Variants in EXOC6 observed in about 807,000 individuals in gnomAD.
EXOC6 encodes exocyst complex component 6, also known as SEC15-like 1.
EXOC6 carries 60 observed loss-of-function variants against 112.5 expected under a neutral mutation model. The ratio of observed to expected loss-of-function variants is 0.53; its 90% CI spans 0.43 to 0.66. The LOEUF is 0.66. EXOC6 is among the 30% of genes least tolerant of loss of function. EXOC6 has a pLI of 0.00. For missense variants in EXOC6, 855 were observed against 957.1 expected (o/e 0.89, Z 1.41); for synonymous variants, 295 against 308.0 (o/e 0.96, Z 0.44).
At chr10:93,025,810 G>A (rs561549579) in intron 20 of EXOC6, among the ~76,000 whole-genome samples, 1 of 152,264 alleles carries the variant, frequency 6.6e-6, no homozygotes, top group South Asian at 2.1e-4. Flanking sequence ...TTCACCAGGT[G>A]ACTACATCTA....
chr10:93,007,854 T>A (rs1187533647), intron 19 of EXOC6, among the ~76,000 whole-genome samples: 1 of 152,166 alleles, frequency 6.6e-6, no homozygotes, highest in Non-Finnish European at 1.5e-5. Flanking sequence ...ATCAGACACC[T>A]CCTTCTCTAA....
intron 12 of EXOC6, among the ~76,000 whole-genome samples, chr10:92,936,625 A>T (rs899570683): frequency 6.6e-6 from 1 of 152,266 alleles, no homozygotes; most frequent in Non-Finnish European, 1.5e-5. Flanking sequence ...CAAACAAAAA[A>T]ATAAGATTTT....
At chr10:93,029,531 T>C in intron 20 of EXOC6, among the ~76,000 whole-genome samples, 1 of 152,230 alleles carries the variant, frequency 6.6e-6, no homozygotes, top group Non-Finnish European at 1.5e-5. Flanking sequence ...ATATTCTGAA[T>C]GGGAGTTCTT....
At chr10:92,845,599 C>G (rs1455536264), upstream of EXOC6, among the ~76,000 whole-genome samples, 1 of 151,944 alleles carries the variant, frequency 6.6e-6, no homozygotes, top group Non-Finnish European at 1.5e-5. Flanking sequence ...ATAGGCTTCC[C>G]CCACCCCACA....
intron 20 of EXOC6, among the ~76,000 whole-genome samples, chr10:93,037,898 G>C (rs1023648882): frequency 2.7e-5 from 4 of 150,812 alleles, no homozygotes; most frequent in Admixed American, 2.6e-4. Flanking sequence ...AAATTAGCCG[G>C]GCGCGGTGGC....
At chr10:93,027,710 T>C (rs939312233) in intron 20 of EXOC6, among the ~76,000 whole-genome samples, 3 of 152,202 alleles carry the variant, frequency 2.0e-5, no homozygotes, top group East Asian at 1.9e-4. Context: ...AAGTGCACTG[T>C]TGAGACCTCC....
chr10:92,917,868 A>G (rs1408841395), intron 7 of EXOC6, among the ~76,000 whole-genome samples: 1 of 152,150 alleles, frequency 6.6e-6, no homozygotes, highest in African/African-American at 2.4e-5. Flanking sequence ...TTTTTTCTAC[A>G]GGGCTTGATG....
chr10:93,037,374 A>C (rs565483178), intron 20 of EXOC6, among the ~76,000 whole-genome samples: 1 of 151,678 alleles, frequency 6.6e-6, no homozygotes, highest in South Asian at 2.1e-4. Flanking sequence ...TCCTGGCCTC[A>C]AGCGATCCAC....
At chr10:93,045,152 G>A (rs1348759343) in intron 20 of EXOC6, among the ~76,000 whole-genome samples, 2 of 152,208 alleles carry the variant, frequency 1.3e-5, no homozygotes, top group Non-Finnish European at 2.9e-5. Context: ...GATTACAGGC[G>A]TGAGCCACCG....
intron 19 of EXOC6, among the ~76,000 whole-genome samples, chr10:93,010,369 C>T (rs973035201): frequency 2.6e-5 from 4 of 152,060 alleles, no homozygotes; most frequent in Non-Finnish European, 1.5e-5. Context: ...GTTATATAAT[C>T]CCGGGCAAGT....
chr10:92,834,592 G>C (rs986580823), upstream of EXOC6: 2 of 591,320 alleles, frequency 3.4e-6, no homozygotes, highest in Non-Finnish European at 5.8e-6. Context: ...AAGTCAGACA[G>C]TGAGCTTGTT....
intron 1 of EXOC6, among the ~76,000 whole-genome samples, chr10:92,874,823 G>C (rs74149162): frequency 0.031 from 4,690 of 152,222 alleles, 171 homozygotes; most frequent in East Asian, 0.14. Flanking sequence ...TGTGAAGTCT[G>C]ACTTTCTCTG....
At chr10:92,890,782 A>C (rs1422115694) in intron 1 of EXOC6, among the ~76,000 whole-genome samples, 3 of 152,118 alleles carry the variant, frequency 2.0e-5, no homozygotes, top group African/African-American at 4.8e-5. Flanking sequence ...GAATAAGTAA[A>C]ATGGAGAGTA....
At chr10:93,002,271 C>T (rs1474804991) in intron 19 of EXOC6, among the ~76,000 whole-genome samples, 2 of 152,084 alleles carry the variant, frequency 1.3e-5, no homozygotes, top group African/African-American at 4.8e-5. Context: ...CTGTTGAGAT[C>T]TTTTTATATC....
At chr10:93,054,044 G>T (rs1421564512) in intron 20 of EXOC6, among the ~76,000 whole-genome samples, 1 of 152,184 alleles carries the variant, frequency 6.6e-6, no homozygotes, top group South Asian at 2.1e-4. Flanking sequence ...TTCTATATAA[G>T]TTAATGGTTT....
chr10:92,904,704 C>T (rs771304535), intron 5 of EXOC6, among the ~76,000 whole-genome samples: 15 of 151,880 alleles, frequency 9.9e-5, no homozygotes, highest in Admixed American at 6.6e-5. Flanking sequence ...ATTTGTGTTT[C>T]GAACATATTT....
intron 21 of EXOC6, among the ~76,000 whole-genome samples, chr10:93,057,825 A>G (rs1846616675): frequency 6.6e-6 from 1 of 152,174 alleles, no homozygotes; most frequent in Non-Finnish European, 1.5e-5. Flanking sequence ...ATGAAATGCA[A>G]CTGAGGCAAA....
At chr10:93,042,983 C>T (rs1346577118) in intron 20 of EXOC6, among the ~76,000 whole-genome samples, 1 of 151,668 alleles carries the variant, frequency 6.6e-6, no homozygotes, top group Non-Finnish European at 1.5e-5. Context: ...GTCGCCCAGG[C>T]TGGAGTGCAG....
chr10:92,980,186 A>G (rs968407287), intron 18 of EXOC6, among the ~76,000 whole-genome samples: 2 of 152,188 alleles, frequency 1.3e-5, no homozygotes, highest in African/African-American at 4.8e-5. Context: ...GAGGATGTGC[A>G]TAGATGGGCT....
Sources: gnomAD v4.1 joint callset for allele counts (sites outside exome capture counted in the v4.1 genomes callset) on GRCh38, gnomAD v4.1.1 for gene constraint, MANE v1.5 for transcripts, NCBI Gene and HGNC (gene_info 2026-07-23, HGNC 2026-07-21) for gene names.